NDNF: variants seen among roughly 807,000 people sequenced by gnomAD.
NDNF encodes the protein neuron derived neurotrophic factor.
In NDNF, 16 loss-of-function variants were observed where a neutral mutation model predicts 42.0. The observed-to-expected ratio is 0.38, with a 90% CI of 0.26 to 0.58. NDNF has a LOEUF of 0.58. NDNF is among the 20% of genes least tolerant of loss of function. NDNF has a pLI of 0.67. For missense variants in NDNF, 616 were observed against 666.2 expected, an observed-to-expected ratio of 0.92 and a Z score of 0.83; for synonymous variants, 248 against 251.7, an observed-to-expected ratio of 0.99 and a Z score of 0.14.
At chr4:121,054,422 T>C (rs776217691) in intron 1 of NDNF, among the ~76,000 whole-genome samples, 9 of 152,352 alleles carry the variant, frequency 5.9e-5, no homozygotes, top group Admixed American at 2.6e-4. Context: ...GTGAGTGTTC[T>C]AGTGGGAGTG....
In NDNF at chr4:121,045,689, G is replaced by C. The variant is rs747249016; in HGVS notation, c.149C>G (p.Ala50Gly). The change falls in exon 2 of 4, where the codon GCT (alanine) becomes GGT (glycine). Residue 50 changes from alanine (A) to glycine (G), a missense_variant. Coordinates refer to ENST00000379692, the MANE Select transcript of NDNF (RefSeq NM_024574.4). ...FHDSSVIPDG[A>G]EISSYLFRDT... ...TCTAAAGAGATAACTGCTAATTTCA[G>C]CTCCATCTGGAATTACTGACGAATC... is the stretch of plus-strand genomic sequence containing the variant. 10 of 1,614,154 alleles carry C rather than the reference G, an allele frequency of 6.2e-6. No individual in the cohort carries two copies. Among genetic ancestry groups the C allele is most frequent in the Non-Finnish European group, 8.5e-6 (10 of 1,180,008 alleles).
intron 1 of NDNF, among the ~76,000 whole-genome samples, chr4:121,053,197 T>A (rs1258391255): frequency 6.6e-6 from 1 of 152,232 alleles, no homozygotes; most frequent in African/African-American, 2.4e-5. Flanking sequence ...CCAACCTCCC[T>A]TAGCACTTCT....
In NDNF at chr4:121,040,029, T is replaced by A; in HGVS notation, c.214A>T (p.Asn72Tyr). 6.2e-7 allele frequency: 1 copy of A among 1,613,844 alleles called. No individual in the cohort carries two copies. Among genetic ancestry groups the A allele is most frequent in the Non-Finnish European group, 8.5e-7 (1 of 1,179,900 alleles). Residue 72 changes from asparagine to tyrosine, a missense_variant, in exon 3 of 4, where the codon AAT becomes TAT. Asn to Tyr is a moderately radical substitution (Grantham distance 143, BLOSUM62 -2). Coordinates refer to ENST00000379692, the MANE Select transcript of NDNF (RefSeq NM_024574.4). Reference sequence around the variant, plus strand: ...GTCACTGTGACTGATAATGGAGTATTGTCTTCTTCAACCACAAAGAAATAC... The same window carrying A: ...GTCACTGTGACTGATAATGGAGTATAGTCTTCTTCAACCACAAAGAAATAC... The part of the protein sequence containing the change: ...KRYFFVVEED[N>Y]TPLSVTVTPC...
chr4:121,041,479 C>T (rs904176246), intron 2 of NDNF, among the ~76,000 whole-genome samples: 13 of 152,178 alleles, frequency 8.5e-5, no homozygotes, highest in Non-Finnish European at 1.8e-4. Flanking sequence ...TGGGAGTGAA[C>T]CACAGGACTG....
intron 1 of NDNF, among the ~76,000 whole-genome samples, chr4:121,060,565 T>C (rs1191897970): frequency 6.6e-6 from 1 of 152,150 alleles, no homozygotes; most frequent in Non-Finnish European, 1.5e-5. Flanking sequence ...CAGTGGACTA[T>C]TTAGGAGACG....
At chr4:121,057,019 C>A (rs1467034246) in intron 1 of NDNF, among the ~76,000 whole-genome samples, 1 of 152,336 alleles carries the variant, frequency 6.6e-6, no homozygotes, top group African/African-American at 2.4e-5. Flanking sequence ...CACTGCCTGA[C>A]GTGCTGCGAA....
rs575939040 is a variant in NDNF, at chr4:121,071,056, C to T, written c.-2+937G>A. On this transcript the variant is annotated intron_variant, in intron 1 of 3. Coordinates refer to ENST00000379692, the MANE Select transcript of NDNF (RefSeq NM_024574.4). Reference sequence around the variant, plus strand: ...ATGCAACGAAACCGCACTCCAAATTCAGCAGTTTGCAAAGTGCCTCCAAGA... The same window carrying T: ...ATGCAACGAAACCGCACTCCAAATTTAGCAGTTTGCAAAGTGCCTCCAAGA... Among the ~76,000 whole-genome samples the T allele has an allele frequency of 2.5e-3, 386 of 152,322 alleles. 2 individuals carry two copies. Among genetic ancestry groups the T allele is most frequent in the Non-Finnish European group, 4.7e-3 (318 of 68,030 alleles).
At chr4:121,052,258 C>T (rs1727211204) in intron 1 of NDNF, among the ~76,000 whole-genome samples, 1 of 152,104 alleles carries the variant, frequency 6.6e-6, no homozygotes, top group Non-Finnish European at 1.5e-5. Context: ...TATAGTATCA[C>T]TGAGATTCGC....
At chr4:121,048,936 C>T (rs1727142792) in intron 1 of NDNF, among the ~76,000 whole-genome samples, 1 of 152,196 alleles carries the variant, frequency 6.6e-6, no homozygotes, top group African/African-American at 2.4e-5. Context: ...TATATTATTT[C>T]ATCTAATGCT....
At chr4:121,046,371 T>G (rs1442855185) in intron 1 of NDNF, among the ~76,000 whole-genome samples, 4 of 152,238 alleles carry the variant, frequency 2.6e-5, no homozygotes, top group Non-Finnish European at 5.9e-5. Context: ...CAATTATTTT[T>G]ATTCTTCCCT....
intron 1 of NDNF, among the ~76,000 whole-genome samples, chr4:121,066,228 CAG>C (rs1394399341): frequency 6.6e-6 from 1 of 152,154 alleles, no homozygotes; most frequent in African/African-American, 2.4e-5. Context: ...CTAACAATAT[CAG>C]AGACTCAGGG....
chr4:121,068,194 G>A (rs562475083), intron 1 of NDNF, among the ~76,000 whole-genome samples: 2 of 151,958 alleles, frequency 1.3e-5, no homozygotes, highest in African/African-American at 4.8e-5. Flanking sequence ...TTTTTTTCTA[G>A]GAGGAAATTA....
intron 1 of NDNF, chr4:121,061,209 C>T (rs560680561): frequency 1.8e-4 from 27 of 152,416 alleles, no homozygotes; most frequent in African/African-American, 6.3e-4. Flanking sequence ...AAATATTCTC[C>T]AAAGACAGTG....
In NDNF at chr4:121,054,999, T is replaced by A. The variant is rs571130302; in HGVS notation, c.-1-9161A>T. Among the ~76,000 whole-genome samples, 536 of 150,208 alleles carry A rather than the reference T, an allele frequency of 3.6e-3. 4 individuals carry two copies. The highest frequency in any genetic ancestry group is 0.01 in the Middle Eastern group (3 of 290). On this transcript the variant is annotated intron_variant, in intron 1 of 3. Transcript: ENST00000379692. ...TGTGTGCCACCTTACTCAGCTAGGT[T>A]TTTTTTTTTATTTTTGTATAGAAGG...
intron 1 of NDNF, 139 bp from the exon 2 acceptor site, chr4:121,045,977 G>T: frequency 3.5e-6 from 2 of 572,726 alleles, no homozygotes; most frequent in Non-Finnish European, 5.7e-6. Context: ...ACATACACAT[G>T]ATCTTCAAGG....
chr4:121,037,497 ATG>A lies in NDNF; in HGVS notation c.472_473del (p.His158PhefsTer12). ...GAGTTGTGGTGGCATATACTTTGAAATGTGTGTCTTTCTCTGTTGAAAGAAGA... is the reference window on the plus strand; with the variant it reads ...GAGTTGTGGTGGCATATACTTTGAAATGTGTCTTTCTCTGTTGAAAGAAGA... ...LDLLSTEKDT[H>X]FKVYATTTPE... is the part of the protein sequence containing the mutation. On this transcript the variant is annotated frameshift_variant, in exon 4 of 4. Transcript: ENST00000379692. LOFTEE classifies it high-confidence loss of function. 6.2e-7 allele frequency: 1 copy of A among 1,614,164 alleles called. No homozygotes were observed. The highest frequency in any genetic ancestry group is 8.5e-7 in the Non-Finnish European group (1 of 1,180,020).
intron 1 of NDNF, among the ~76,000 whole-genome samples, chr4:121,049,687 G>T (rs542607608): frequency 6.6e-6 from 1 of 152,128 alleles, no homozygotes; most frequent in African/African-American, 2.4e-5. Context: ...CTACTTTATT[G>T]GCTCAGGTAG....
chr4:121,043,307 A>G (rs1727034289), intron 2 of NDNF, among the ~76,000 whole-genome samples: 1 of 151,158 alleles, frequency 6.6e-6, no homozygotes, highest in South Asian at 2.1e-4. Context: ...TTTTAAATTT[A>G]CTGCTGTGCA....
intron 1 of NDNF, chr4:121,061,510 T>C (rs990786153): frequency 6.6e-5 from 10 of 152,320 alleles, no homozygotes; most frequent in South Asian, 4.1e-4. Context: ...AGAATAAACA[T>C]ATCATTTCCT....
Sources: allele counts gnomAD v4.1 joint callset (sites outside exome capture counted in the v4.1 genomes callset), GRCh38; gene constraint gnomAD v4.1.1; transcripts MANE v1.5; gene names NCBI Gene and HGNC (gene_info 2026-07-23, HGNC 2026-07-21).